The following BASP1 variants were observed in gnomAD, a reference collection of about 807,000 sequenced individuals.
BASP1 encodes the protein brain abundant membrane attached signal protein 1.
A neutral mutation model predicts 2.2 loss-of-function variants in BASP1; 1 was observed. The observed-to-expected ratio is 0.46, with a 90% CI of 0.16 to 2.17. The LOEUF (loss-of-function observed/expected upper bound fraction) is 2.17. Among genes scored for constraint, BASP1 ranks in the 30% most tolerant of loss-of-function variants. The pLI is 0.27. For synonymous variants in BASP1, 187 were observed against 154.2 expected, an observed-to-expected ratio of 1.21 and a Z score of -1.58; for missense variants, 352 against 327.2, an observed-to-expected ratio of 1.08 and a Z score of -0.58.
At chr5:17,255,382 T>C (rs994300283) in intron 1 of BASP1, among the ~76,000 whole-genome samples, 1 of 152,212 alleles carries the variant, frequency 6.6e-6, no homozygotes, top group African/African-American at 2.4e-5. Context: ...CTTAAAACTA[T>C]AATAAGTTCA....
intron 1 of BASP1, among the ~76,000 whole-genome samples, chr5:17,218,803 A>G (rs994503059): frequency 7.0e-5 from 10 of 142,970 alleles, no homozygotes; most frequent in Admixed American, 2.2e-4. Flanking sequence ...ATCCGATCGC[A>G]CGCACAATGC....
At chr5:17,242,697 A>G (rs1739891738) in intron 1 of BASP1, among the ~76,000 whole-genome samples, 1 of 152,190 alleles carries the variant, frequency 6.6e-6, no homozygotes, top group Non-Finnish European at 1.5e-5. Flanking sequence ...CATTGTGCTT[A>G]TTAATAATCT....
chr5:17,268,262 TCAAA>T (rs1414681736), intron 1 of BASP1, among the ~76,000 whole-genome samples: 1 of 152,212 alleles, frequency 6.6e-6, no homozygotes, highest in Non-Finnish European at 1.5e-5. Context: ...TTGACACAAG[TCAAA>T]CAAATAAAAT....
intron 1 of BASP1, among the ~76,000 whole-genome samples, chr5:17,273,146 T>A (rs1466134406): frequency 6.6e-6 from 1 of 152,186 alleles, no homozygotes; most frequent in Non-Finnish European, 1.5e-5. Flanking sequence ...TTATATTTGG[T>A]ATAGGCCATT....
At chr5:17,245,639 A>G (rs1055455509) in intron 1 of BASP1, among the ~76,000 whole-genome samples, 1 of 152,050 alleles carries the variant, frequency 6.6e-6, no homozygotes, top group Non-Finnish European at 1.5e-5. Context: ...CTGTGTAGAA[A>G]GTTACTTTTT....
At chr5:17,224,540 G>A (rs1739456385) in intron 1 of BASP1, among the ~76,000 whole-genome samples, 2 of 152,076 alleles carry the variant, frequency 1.3e-5, no homozygotes, top group East Asian at 1.9e-4. Flanking sequence ...TAGAGAGAGC[G>A]ATACTAACTT....
intron 1 of BASP1, among the ~76,000 whole-genome samples, chr5:17,223,638 T>C (rs1278527021): frequency 6.6e-6 from 1 of 152,186 alleles, no homozygotes; most frequent in African/African-American, 2.4e-5. Flanking sequence ...TGTACTTTTT[T>C]TAATTGAAGG....
intron 1 of BASP1, among the ~76,000 whole-genome samples, chr5:17,221,722 A>G (rs1436597949): frequency 6.6e-6 from 1 of 152,184 alleles, no homozygotes; most frequent in East Asian, 1.9e-4. Flanking sequence ...AAGCCAGTGA[A>G]CATGAGCTTT....
intron 1 of BASP1, among the ~76,000 whole-genome samples, chr5:17,255,688 C>T (rs750874238): frequency 6.6e-6 from 1 of 152,172 alleles, no homozygotes; most frequent in Non-Finnish European, 1.5e-5. Flanking sequence ...CATTCAGAAT[C>T]ATCACTGAGG....
chr5:17,243,326 G>C, intron 1 of BASP1, among the ~76,000 whole-genome samples: 1 of 152,040 alleles, frequency 6.6e-6, no homozygotes, highest in East Asian at 1.9e-4. Context: ...GCTGATTTTT[G>C]TATTTTTAGT....
chr5:17,248,568 C>T (rs188595387), intron 1 of BASP1, among the ~76,000 whole-genome samples: 11 of 152,176 alleles, frequency 7.2e-5, no homozygotes, highest in East Asian at 5.8e-4. Context: ...TTACATTAGA[C>T]GGTTCAATCT....
Position 17,275,098 on chromosome 5 carries a change from G to C in BASP1, c.-9-110G>C. The C allele has an allele frequency of 1.1e-6, 1 of 905,828 alleles. No homozygotes were observed. Among genetic ancestry groups the C allele is most frequent in the South Asian group, 1.6e-5 (1 of 61,644 alleles). The allele number at this position is 905,828 out of a possible 1,614,324, so 56.1% of individuals were successfully genotyped here. On this transcript the variant is annotated intron_variant, in intron 1 of 1. Transcript: ENST00000322611. This position sits in a 1 kb window ranked among gnomAD's most constrained non-coding sequence, Gnocchi z 5.3. The stretch of plus-strand genomic sequence containing the variant: ...TAGTTTACCATGCCACCCCTTTGGG[G>C]TGTGCAGTGCAGCAGGCCCAGAACC...
intron 1 of BASP1, among the ~76,000 whole-genome samples, chr5:17,248,483 T>G (rs946822867): frequency 1.3e-5 from 2 of 152,240 alleles, no homozygotes; most frequent in Non-Finnish European, 2.9e-5. Flanking sequence ...AGGCTACTGC[T>G]GCAGAACCAT....
At chr5:17,252,509 T>C (rs1740122927) in intron 1 of BASP1, among the ~76,000 whole-genome samples, 1 of 152,140 alleles carries the variant, frequency 6.6e-6, no homozygotes. Flanking sequence ...CAAGCACGTT[T>C]TTTGGAGATG....
intron 1 of BASP1, among the ~76,000 whole-genome samples, chr5:17,223,266 T>C (rs1023606387): frequency 2.6e-5 from 4 of 152,238 alleles, no homozygotes; most frequent in African/African-American, 9.6e-5. Flanking sequence ...TTACCTTCTC[T>C]GTGCCTCAAT....
At chr5:17,221,273 A>G (rs1739388605) in intron 1 of BASP1, among the ~76,000 whole-genome samples, 1 of 152,132 alleles carries the variant, frequency 6.6e-6, no homozygotes, top group Non-Finnish European at 1.5e-5. Context: ...TACATCAAGC[A>G]CTACTGAACT....
At chr5:17,243,061 C>T (rs1260280038) in intron 1 of BASP1, among the ~76,000 whole-genome samples, 2 of 151,842 alleles carry the variant, frequency 1.3e-5, no homozygotes, top group Non-Finnish European at 2.9e-5. Context: ...TTCTGGAACA[C>T]CTGTAGTCTG....
intron 1 of BASP1, among the ~76,000 whole-genome samples, chr5:17,244,715 C>T (rs1396181514): frequency 3.5e-5 from 5 of 142,212 alleles, no homozygotes; most frequent in South Asian, 4.5e-4. Context: ...TTTTTTGAGA[C>T]GGAGTCTCGC....
chr5:17,232,065 T>C (rs1197415301), intron 1 of BASP1, among the ~76,000 whole-genome samples: 2 of 152,240 alleles, frequency 1.3e-5, no homozygotes, highest in Non-Finnish European at 2.9e-5. Flanking sequence ...ACCTTAGCAG[T>C]AGTTGTTCTA....
Sources: gnomAD v4.1 joint callset for allele counts (sites outside exome capture counted in the v4.1 genomes callset) on GRCh38, gnomAD v4.1.1 for gene constraint, Gnocchi (gnomAD v3.1) non-coding constraint, MANE v1.5 for transcripts, NCBI Gene and HGNC (gene_info 2026-07-23, HGNC 2026-07-21) for gene names.